The following SYNE2 variants were observed in gnomAD, a reference collection of about 807,000 sequenced individuals.
SYNE2 encodes the protein nesprin-2.
A neutral mutation model predicts 856.3 loss-of-function variants in SYNE2; 431 were observed. The observed-to-expected ratio is 0.50, with a 90% CI of 0.47 to 0.55. SYNE2 has a LOEUF of 0.55. SYNE2 is among the 20% of genes least tolerant of loss of function. SYNE2 has a pLI of 0.00. For synonymous variants in SYNE2, 2,923 were observed against 2,872.3 expected, an observed-to-expected ratio of 1.02 and a Z score of -0.56; for missense variants, 8,129 against 8,023.2, an observed-to-expected ratio of 1.01 and a Z score of -0.50.
In SYNE2 at chr14:64,062,987, C is replaced by T. The variant is rs570582038; in HGVS notation, c.10212+92C>T. ...AGCAGAGAATGTGGTCCTGTTAAGA[C>T]GCGTAGAAATCTTCACAGTGAGTTA... On this transcript the variant is annotated intron_variant, in intron 50 of 115. Coordinates refer to ENST00000555002, the MANE Select transcript of SYNE2 (RefSeq NM_182914.3). 5.5e-5 allele frequency: 79 copies of T among 1,448,280 alleles called. No homozygotes were observed. The Admixed American group carries it at 5.9e-4, about 11-fold the overall frequency. The allele number at this position is 1,448,280 out of a possible 1,614,324, so 89.7% of individuals were successfully genotyped here. A position where few individuals can be genotyped will look rare whatever the true frequency, so the allele number is the denominator to read the frequency against.
chr14:63,811,009 G>A (rs1241538856), intron 1 of SYNE2, among the ~76,000 whole-genome samples: 1 of 151,720 alleles, frequency 6.6e-6, no homozygotes, highest in Non-Finnish European at 1.5e-5. Context: ...TAATTTTTTG[G>A]TATTTTTAGT....
rs543875232 is a variant in SYNE2 at position 64,202,925 on chromosome 14, G to A, written c.18163G>A (p.Asp6055Asn). Residue 6055 changes from aspartate (D) to asparagine (N), a missense_variant, in exon 100 of 116, where the codon GAT (aspartate) becomes AAT (asparagine). This residue lies in a region of SYNE2 where 5,410 missense variants were observed against 5,284.8 expected (regional missense o/e 1.02). Transcript: ENST00000555002. Reference protein sequence around the residue: ...LSKPVVYDVCDDQEIQKRLAE... With the variant: ...LSKPVVYDVCNDQEIQKRLAE... ...CAAGCCTGTTGTTTATGATGTCTGC[G>A]ATGATCAAGAGATCCAGAAGAGGCT... 3.1e-5 allele frequency: 50 copies of A among 1,614,038 alleles called. 1 individual carries two copies. Among genetic ancestry groups the A allele is most frequent in the Middle Eastern group, 3.3e-4 (2 of 6,084 alleles).
intron 43 of SYNE2, among the ~76,000 whole-genome samples, chr14:64,028,157 G>A (rs748975703): frequency 6.6e-6 from 1 of 151,796 alleles, no homozygotes; most frequent in Non-Finnish European, 1.5e-5. Flanking sequence ...CTCCCGCCTT[G>A]GCCTCCCAAA....
At chr14:64,027,358 G>A in intron 42 of SYNE2, 126 bp from the exon 43 acceptor site, 1 of 621,100 alleles carries the variant, frequency 1.6e-6, no homozygotes. Context: ...TATCAAAAGA[G>A]TCTCTGGGAA....
rs1200807837 is a variant in SYNE2, at chr14:64,066,918, G to A, written c.10431+1268G>A. On this transcript the variant is annotated intron_variant, in intron 51 of 115. Transcript: ENST00000555002. ...AAGCTGTAAACCCCTGTAGGCTGGG[G>A]CTGGGGCTGTCCTGCTCACTGCTGT... Among the ~76,000 whole-genome samples, 3 of 152,202 alleles carry A rather than the reference G, an allele frequency of 2.0e-5. No individual in the cohort carries two copies. In the East Asian group the frequency reaches 5.8e-4, roughly 29 times the overall value.
In SYNE2 at chr14:64,074,105, A is replaced by G. The variant is rs78110192; in HGVS notation, c.10835A>G (p.Gln3612Arg). The G allele has an allele frequency of 1.9e-3, 3,122 of 1,614,262 alleles. 65 individuals carry two copies. The East Asian group carries it at 0.045, about 23-fold the overall frequency. ...TTTSFQNMAF[Q>R]DHPEKSEQFE... ...ACTTCATTCCAAAATATGGCATTCC[A>G]GGATCACCCAGAAAAGTCAGAACAA... Residue 3612 changes from glutamine (Q) to arginine (R), a missense_variant, in exon 53 of 116, where the codon CAG becomes CGG. Gln to Arg is a conservative substitution (Grantham distance 43). Transcript: ENST00000555002.
Position 64,031,177 on chromosome 14 carries a change from A to G in SYNE2, c.7041A>G (p.Ala2347=). 1 of 1,614,228 alleles carries G rather than the reference A, an allele frequency of 6.2e-7. No homozygotes were observed. Among genetic ancestry groups the G allele is most frequent in the Non-Finnish European group, 8.5e-7 (1 of 1,180,026 alleles). The change falls in exon 45 of 116, where the codon GCA becomes GCG. Residue 2347 remains alanine, a synonymous_variant. Transcript: ENST00000555002. ...AAAAAGATTTGGAAAACAGGCTTGC[A>G]TCTGCTAAGCAGGAGATGGAATGTT... ...CKQKDLENRL[A]SAKQEMECCL... is the part of the protein sequence containing the mutation.
At chr14:63,954,228 T>A (rs1383605373) in intron 7 of SYNE2, among the ~76,000 whole-genome samples, 3 of 152,172 alleles carry the variant, frequency 2.0e-5, no homozygotes, top group Non-Finnish European at 4.4e-5. Context: ...TTACACACAA[T>A]GTATCATTTA....
chr14:63,924,835 T>G (rs1173823384), intron 2 of SYNE2, among the ~76,000 whole-genome samples: 3 of 54,974 alleles, frequency 5.5e-5, no homozygotes, highest in South Asian at 6.0e-4. Context: ...AGCCTTGGTG[T>G]TTTTTTTTTT....
chr14:64,105,485 G>A (rs758944128), intron 64 of SYNE2, among the ~76,000 whole-genome samples: 2 of 152,126 alleles, frequency 1.3e-5, no homozygotes, highest in Non-Finnish European at 2.9e-5. Context: ...TCACTTAATT[G>A]CAAGCATAGG....
chr14:64,087,093 TAAAA>T lies in SYNE2; in HGVS notation c.11485-562_11485-559del, dbSNP rs56917782. On this transcript the variant is annotated intron_variant, in intron 57 of 115. Transcript: ENST00000555002. ...TGATGCTGTTGTCAGTGATAATTGG[TAAAA>T]AAAAAAAAAAAAAAAGCATTGGTTT... Among the ~76,000 whole-genome samples the T allele has an allele frequency of 1.5e-4, 15 of 98,438 alleles. No homozygotes were observed. The East Asian group carries it at 3.3e-3, about 22-fold the overall frequency. The allele number at this position is 98,438 out of a possible 152,430, so 64.6% of individuals were successfully genotyped here.
chr14:63,998,878 A>G, intron 26 of SYNE2, 36 bp from the exon 27 acceptor site: 2 of 1,612,250 alleles, frequency 1.2e-6, no homozygotes, highest in Non-Finnish European at 1.7e-6. Flanking sequence ...TATTTTAAAA[A>G]TTAACTATTG....
intron 34 of SYNE2, among the ~76,000 whole-genome samples, chr14:64,018,761 C>T (rs375425820): frequency 2.1e-3 from 323 of 152,270 alleles, no homozygotes; most frequent in Non-Finnish European, 3.9e-3. Flanking sequence ...TGATTTTAGA[C>T]GGCCTTCTTC....
chr14:64,141,621 T>A, intron 81 of SYNE2, 98 bp downstream of exon 81: 1 of 1,313,012 alleles, frequency 7.6e-7, no homozygotes, highest in Non-Finnish European at 1.1e-6. Flanking sequence ...TCATTGACAC[T>A]ACCTATTTTT....
chr14:64,002,950 T>A lies in SYNE2; in HGVS notation c.4017T>A (p.Ala1339=). The change falls in exon 30 of 116, where the codon GCT becomes GCA. Residue 1339 remains alanine (A), a synonymous_variant. Coordinates refer to ENST00000555002, the MANE Select transcript of SYNE2 (RefSeq NM_182914.3). ...CTCTCAGAACAGCTAAACTCTCTGC[T>A]GAGCCCGTTACAGACCTTTCAGCCT... is the stretch of plus-strand genomic sequence containing the variant. The part of the protein sequence containing the change: ...LASLRTAKLS[A]EPVTDLSASD... The A allele has an allele frequency of 6.2e-7, 1 of 1,614,252 alleles. No homozygotes were observed. The highest frequency in any genetic ancestry group is 8.5e-7 in the Non-Finnish European group (1 of 1,180,046).
chr14:64,030,027 A>G lies in SYNE2; in HGVS notation c.6847A>G (p.Ile2283Val). ...VSFSDKPVDQ[I>V]AVEEKLQKLQ... ...TTTTTCTGATAAGCCTGTGGATCAA[A>G]TAGCGGTTGAGGAAAAATTGCAGAA... Residue 2283 changes from isoleucine (I) to valine (V), a missense_variant, in exon 44 of 116, where the codon ATA (isoleucine) becomes GTA (valine). Coordinates refer to ENST00000555002, the MANE Select transcript of SYNE2 (RefSeq NM_182914.3). 6.2e-7 allele frequency: 1 copy of G among 1,614,160 alleles called. No individual in the cohort carries two copies. Among genetic ancestry groups the G allele is most frequent in the Non-Finnish European group, 8.5e-7 (1 of 1,180,004 alleles).
chr14:64,174,023 T>C, intron 94 of SYNE2: 1 of 625,116 alleles, frequency 1.6e-6, no homozygotes. Flanking sequence ...ACACCGCCAC[T>C]AAAATATAGA....
At chr14:63,814,893 TATATATATCC>T (rs1888838246) in intron 1 of SYNE2, among the ~76,000 whole-genome samples, 1 of 89,770 alleles carries the variant, frequency 1.1e-5, no homozygotes, top group African/African-American at 3.8e-5. Flanking sequence ...TATATATCCA[TATATATATCC>T]ATATATATCC....
intron 57 of SYNE2, among the ~76,000 whole-genome samples, chr14:64,083,921 A>C (rs898123627): frequency 6.6e-6 from 1 of 151,204 alleles, no homozygotes; most frequent in African/African-American, 2.4e-5. Context: ...AAAAATAGAA[A>C]ACTAATTTTT....
Sources: gnomAD v4.1 joint callset for allele counts (sites outside exome capture counted in the v4.1 genomes callset) on GRCh38, gnomAD v4.1.1 for gene constraint, gnomAD v4.1.1 regional missense constraint, MANE v1.5 for transcripts, NCBI Gene and HGNC (gene_info 2026-07-23, HGNC 2026-07-21) for gene names.